The following RBMS3 variants were observed in gnomAD, a reference collection of about 807,000 sequenced individuals.
RBMS3 encodes RNA binding motif single stranded interacting protein 3.
Under a neutral mutation model 66.8 loss-of-function variants are expected in RBMS3, and 27 were observed. The ratio of observed to expected loss-of-function variants is 0.40; its 90% CI spans 0.30 to 0.56. RBMS3 has a LOEUF of 0.56. Ranked by LOEUF, RBMS3 falls within the 20% of genes least tolerant of loss-of-function variation. The probability of loss-of-function intolerance (pLI) is 0.40; values close to 1 mark genes in which losing one functional copy is unlikely to be tolerated. For synonymous variants in RBMS3, 188 were observed against 183.0 expected (o/e 1.03, Z -0.22); for missense variants, 513 against 549.5 (o/e 0.93, Z 0.66).
intron 3 of RBMS3, among the ~76,000 whole-genome samples, chr3:29,488,762 C>G (rs920967921): frequency 2.6e-5 from 4 of 152,164 alleles, no homozygotes; most frequent in Admixed American, 6.5e-5. Flanking sequence ...CTCCTAACAA[C>G]TTTGGGGTGT....
intron 6 of RBMS3, among the ~76,000 whole-genome samples, chr3:29,799,723 T>C (rs2057327941): frequency 1.3e-5 from 2 of 152,192 alleles, no homozygotes; most frequent in Non-Finnish European, 2.9e-5. Flanking sequence ...GTCATTTACA[T>C]ATAAAATGTA....
intron 1 of RBMS3, among the ~76,000 whole-genome samples, chr3:29,293,135 T>C (rs2032958735): frequency 6.6e-6 from 1 of 151,860 alleles, no homozygotes; most frequent in Admixed American, 6.6e-5. Context: ...TCTTGATGCT[T>C]TTGATTGGAA....
chr3:29,311,190 C>G (rs2034351207), intron 1 of RBMS3, among the ~76,000 whole-genome samples: 1 of 151,754 alleles, frequency 6.6e-6, no homozygotes, highest in Admixed American at 6.6e-5. Flanking sequence ...TATGTGCAAA[C>G]AGATTGGAGG....
At chr3:29,567,976 C>T (rs890776329) in intron 3 of RBMS3, among the ~76,000 whole-genome samples, 10 of 152,116 alleles carry the variant, frequency 6.6e-5, no homozygotes, top group African/African-American at 2.4e-4. Flanking sequence ...AATGTCTGCC[C>T]TTAGCAGTTT....
chr3:29,540,629 ATCC>A lies in RBMS3; in HGVS notation c.308-46479_308-46477del, dbSNP rs2045721821. On this transcript the variant is annotated intron_variant, in intron 3 of 14. Transcript: ENST00000383767. The stretch of plus-strand genomic sequence containing the variant: ...ACTCTCGAACACAGATTAAATTATA[ATCC>A]TCCTCGTACAGATGAAGTAACTGGG... Among the ~76,000 whole-genome samples the A allele has an allele frequency of 3.3e-5, 5 of 152,290 alleles. No individual in the cohort carries two copies. The South Asian group carries it at 1.0e-3, about 32-fold the overall frequency.
At chr3:29,968,435 C>G (rs571655989) in intron 12 of RBMS3, among the ~76,000 whole-genome samples, 2 of 152,250 alleles carry the variant, frequency 1.3e-5, no homozygotes, top group East Asian at 3.9e-4. Flanking sequence ...TAGCTCCTGC[C>G]CCTCTGGCCA....
At chr3:29,585,696 C>CT (rs1175157412) in intron 3 of RBMS3, among the ~76,000 whole-genome samples, 6 of 151,562 alleles carry the variant, frequency 4.0e-5, no homozygotes, top group East Asian at 3.9e-4. Flanking sequence ...ATTACTTCCA[C>CT]TTTTTTTTTC....
intron 4 of RBMS3, among the ~76,000 whole-genome samples, chr3:29,702,881 G>A (rs2052692011): frequency 6.6e-6 from 1 of 152,298 alleles, no homozygotes; most frequent in African/African-American, 2.4e-5. Flanking sequence ...AGGGTCCGCG[G>A]CTTCATTCTT....
At chr3:29,878,717 G>A (rs901050862) in intron 7 of RBMS3, among the ~76,000 whole-genome samples, 1 of 151,922 alleles carries the variant, frequency 6.6e-6, no homozygotes, top group South Asian at 2.1e-4. Flanking sequence ...ATAAATTAAA[G>A]GATCCCCTCA....
chr3:29,664,017 CA>C (rs1480010657), intron 4 of RBMS3, among the ~76,000 whole-genome samples: 35 of 152,194 alleles, frequency 2.3e-4, no homozygotes, highest in African/African-American at 8.2e-4. Context: ...TGAATACTAT[CA>C]TTGAATTGAT....
chr3:29,958,752 A>G (rs1283135432), intron 12 of RBMS3, among the ~76,000 whole-genome samples: 1 of 152,212 alleles, frequency 6.6e-6, no homozygotes, highest in Non-Finnish European at 1.5e-5. Context: ...CCAGTTCCTA[A>G]AATAACTTTT....
intron 4 of RBMS3, among the ~76,000 whole-genome samples, chr3:29,638,448 G>A (rs1364639350): frequency 1.3e-5 from 2 of 151,652 alleles, no homozygotes; most frequent in African/African-American, 4.8e-5. Flanking sequence ...ATTATTCTGA[G>A]AATTTCATTT....
At chr3:29,556,297 T>C (rs1216541922) in intron 3 of RBMS3, 2 of 152,200 alleles carry the variant, frequency 1.3e-5, no homozygotes, top group East Asian at 1.9e-4. Context: ...GCTAAGTATA[T>C]GCAGATAAGA....
intron 1 of RBMS3, among the ~76,000 whole-genome samples, chr3:29,311,402 C>T (rs1293051966): frequency 1.3e-5 from 2 of 151,614 alleles, no homozygotes; most frequent in Non-Finnish European, 1.5e-5. Flanking sequence ...ATAGGTAGAA[C>T]AGAAAATTGG....
intron 12 of RBMS3, among the ~76,000 whole-genome samples, chr3:29,962,222 T>C (rs1696512313): frequency 1.3e-5 from 2 of 151,322 alleles, no homozygotes; most frequent in African/African-American, 4.9e-5. Flanking sequence ...AATCCCTATT[T>C]GAGTTTATCC....
At chr3:29,281,795 C>T in intron 1 of RBMS3, 39 bp downstream of exon 1, 3 of 1,531,458 alleles carry the variant, frequency 2.0e-6, no homozygotes, top group Non-Finnish European at 2.7e-6. Context: ...AGCGTGGTAT[C>T]GTTCTGCACT....
chr3:29,749,929 T>C (rs1046755331), intron 5 of RBMS3, among the ~76,000 whole-genome samples: 1 of 152,182 alleles, frequency 6.6e-6, no homozygotes, highest in Middle Eastern at 3.2e-3. Context: ...TACTCATTAT[T>C]AGTTTCCATA....
At chr3:29,358,842 CTGTT>C (rs1463810759) in intron 1 of RBMS3, among the ~76,000 whole-genome samples, 2 of 152,096 alleles carry the variant, frequency 1.3e-5, no homozygotes, top group East Asian at 3.9e-4. Context: ...ATTTGGTTCT[CTGTT>C]TGTCTGCTAT....
At chr3:29,827,855 G>A (rs534280028) in intron 6 of RBMS3, among the ~76,000 whole-genome samples, 5 of 152,140 alleles carry the variant, frequency 3.3e-5, no homozygotes, top group Non-Finnish European at 7.3e-5. Context: ...AAAGATGATA[G>A]AAATGAAATA....
Sources: allele counts gnomAD v4.1 joint callset (sites outside exome capture counted in the v4.1 genomes callset), GRCh38; gene constraint gnomAD v4.1.1; transcripts MANE v1.5; gene names NCBI Gene and HGNC (gene_info 2026-07-23, HGNC 2026-07-21).